The following ARSJ variants were observed in gnomAD, a reference collection of about 807,000 sequenced individuals.
ARSJ encodes the protein arylsulfatase J.
A neutral mutation model predicts 35.9 loss-of-function variants in ARSJ; 26 were observed. The observed-to-expected ratio is 0.72, with a 90% confidence interval of 0.53 to 1.00. The LOEUF is 1.00. Ranked by LOEUF, ARSJ falls within the 50% of genes least tolerant of loss-of-function variation. The pLI is 0.00. For missense variants in ARSJ, 667 were observed against 723.6 expected, an observed-to-expected ratio of 0.92 and a Z score of 0.90; for synonymous variants, 294 against 267.6, an observed-to-expected ratio of 1.10 and a Z score of -0.96.
intron 1 of ARSJ, among the ~76,000 whole-genome samples, chr4:113,924,529 C>A (rs1334766809): frequency 1.3e-5 from 2 of 152,004 alleles, no homozygotes; most frequent in African/African-American, 4.8e-5. Context: ...CAACTTGAAC[C>A]CATACACATC....
intron 1 of ARSJ, among the ~76,000 whole-genome samples, chr4:113,942,833 C>G (rs1428201582): frequency 6.6e-6 from 1 of 151,878 alleles, no homozygotes; most frequent in South Asian, 2.1e-4. Context: ...CTATCATAAC[C>G]AAGAATAATT....
intron 1 of ARSJ, among the ~76,000 whole-genome samples, chr4:113,966,152 T>C (rs888904259): frequency 3.3e-5 from 5 of 152,030 alleles, no homozygotes; most frequent in African/African-American, 1.2e-4. Flanking sequence ...AATACAGGTA[T>C]GCTACCAAAT....
At position 113,978,880 on chromosome 4, in the gene ARSJ, C is replaced by G; in HGVS notation, c.-46G>C. On this transcript the variant is annotated 5_prime_UTR_variant, in exon 1 of 2. Transcript: ENST00000315366. The stretch of plus-strand genomic sequence containing the variant: ...ACTCCACGCGGAGAACCACGCGCCC[C>G]GCGCCGCTGCGGGCGCACACATGCA... 6.5e-7 allele frequency: 1 copy of G among 1,531,632 alleles called. No individual in the cohort carries two copies. Among genetic ancestry groups the G allele is most frequent in the Middle Eastern group, 1.8e-4 (1 of 5,538 alleles). 94.9% of individuals were successfully genotyped at this position (1,531,632 alleles called of 1,614,324 possible).
At chr4:113,938,661 G>GA (rs1724922767) in intron 1 of ARSJ, among the ~76,000 whole-genome samples, 1 of 151,678 alleles carries the variant, frequency 6.6e-6, no homozygotes, top group Non-Finnish European at 1.5e-5. Flanking sequence ...GTAATATCCA[G>GA]AATCTACAAA....
At chr4:113,921,027 T>C (rs1278615005) in intron 1 of ARSJ, among the ~76,000 whole-genome samples, 1 of 152,012 alleles carries the variant, frequency 6.6e-6, no homozygotes, top group East Asian at 1.9e-4. Context: ...ATGGAGTTGA[T>C]TTAGATTCAT....
intron 1 of ARSJ, among the ~76,000 whole-genome samples, chr4:113,975,751 A>T (rs1727551796): frequency 6.6e-6 from 1 of 152,188 alleles, no homozygotes; most frequent in South Asian, 2.1e-4. Flanking sequence ...GAACACAGTG[A>T]CTGCTCAGCA....
intron 1 of ARSJ, among the ~76,000 whole-genome samples, chr4:113,962,030 CTCTT>C (rs1301812963): frequency 1.3e-5 from 2 of 151,960 alleles, no homozygotes; most frequent in Non-Finnish European, 2.9e-5. Flanking sequence ...CATACATTGG[CTCTT>C]TCTGTTGATT....
chr4:113,936,603 A>G (rs1256464031), intron 1 of ARSJ, among the ~76,000 whole-genome samples: 1 of 151,940 alleles, frequency 6.6e-6, no homozygotes, highest in East Asian at 1.9e-4. Flanking sequence ...CTACACTAAA[A>G]TAATCTAACC....
chr4:113,913,694 T>C (rs889512999), intron 1 of ARSJ, among the ~76,000 whole-genome samples: 2 of 152,168 alleles, frequency 1.3e-5, no homozygotes, highest in African/African-American at 4.8e-5. Context: ...GCCAAAATAA[T>C]ATTTGTATTT....
chr4:113,978,490 G>T lies in ARSJ; in HGVS notation c.345C>A (p.Asn115Lys). The change falls in exon 1 of 2, where the codon AAC becomes AAA. Residue 115 changes from asparagine (N) to lysine (K), a missense_variant. By Grantham distance (94) the Asn-to-Lys change is moderately conservative (BLOSUM62 0). Transcript: ENST00000315366. ...KLAAEGVKLENYYVQPICTPS... is the reference protein window; with the variant it reads ...KLAAEGVKLEKYYVQPICTPS... ...GTGTGCAAATAGGCTGGACATAGTA[G>T]TTCTCCAGTTTAACTCCTTCGGCAG... 6.2e-7 allele frequency: 1 copy of T among 1,614,066 alleles called. No individual in the cohort carries two copies. The highest frequency in any genetic ancestry group is 8.5e-7 in the Non-Finnish European group (1 of 1,179,912).
chr4:113,976,557 G>A (rs1192793709), intron 1 of ARSJ, among the ~76,000 whole-genome samples: 2 of 152,106 alleles, frequency 1.3e-5, no homozygotes, highest in African/African-American at 2.4e-5. Context: ...GTCCAGAACT[G>A]GGCTTCCATA....
intron 1 of ARSJ, among the ~76,000 whole-genome samples, chr4:113,925,967 GC>G (rs1195193339): frequency 6.6e-6 from 1 of 152,118 alleles, no homozygotes; most frequent in African/African-American, 2.4e-5. Context: ...ATGTTGTGGA[GC>G]GCATGCATAA....
chr4:113,923,468 A>G (rs1723810008), intron 1 of ARSJ, among the ~76,000 whole-genome samples: 3 of 152,310 alleles, frequency 2.0e-5, no homozygotes, highest in Admixed American at 2.0e-4. Flanking sequence ...ATTAAGAAAG[A>G]GGAAAAAACT....
intron 1 of ARSJ, among the ~76,000 whole-genome samples, chr4:113,923,011 G>C (rs1265803477): frequency 6.6e-6 from 1 of 152,092 alleles, no homozygotes; most frequent in Non-Finnish European, 1.5e-5. Context: ...TGAATTAGTG[G>C]AAGGCCTTAA....
intron 1 of ARSJ, among the ~76,000 whole-genome samples, chr4:113,978,051 C>A (rs1348665314): frequency 3.9e-5 from 6 of 152,106 alleles, no homozygotes; most frequent in Non-Finnish European, 8.8e-5. Flanking sequence ...AATTTTTGAT[C>A]TTTCTTATCA....
chr4:113,963,558 TC>T (rs1461503818), intron 1 of ARSJ, among the ~76,000 whole-genome samples: 2 of 151,994 alleles, frequency 1.3e-5, no homozygotes, highest in Non-Finnish European at 2.9e-5. Flanking sequence ...GCAGGGTCCC[TC>T]CCAGGACACT....
rs1727768901 is a variant in ARSJ at position 113,978,952 on chromosome 4, C to T, written c.-118G>A. 1 of 1,095,712 alleles carries T rather than the reference C, an allele frequency of 9.1e-7. No individual in the cohort carries two copies. The highest frequency in any genetic ancestry group is 1.5e-5 in the South Asian group (1 of 64,640). The allele number at this position is 1,095,712 out of a possible 1,614,324, so 67.9% of individuals were successfully genotyped here. A position where few individuals can be genotyped will look rare whatever the true frequency, so the allele number is the denominator to read the frequency against. On this transcript the variant is annotated 5_prime_UTR_variant, in exon 1 of 2. Transcript: ENST00000315366. ...TCCACCTGGCAAGAAATCCTCCTCT[C>T]CTCTCAGCTGTCACCATGTCCGACA...
At position 113,903,149 on chromosome 4, in the gene ARSJ, A is replaced by G. The variant is rs2099667669; in HGVS notation, c.925T>C (p.Leu309=). 1 of 1,614,182 alleles carries G rather than the reference A, an allele frequency of 6.2e-7. No homozygotes were observed. Among genetic ancestry groups the G allele is most frequent in the Non-Finnish European group, 8.5e-7 (1 of 1,180,032 alleles). Residue 309 remains leucine (L), a synonymous_variant, in exon 2 of 2, where the codon TTG becomes CTG. Transcript: ENST00000315366. ...TAGAAACCATAAGTCTTTAGAGCCA[A>G]TGTCACGTTGTTGATTGCTTCATCT... The part of the protein sequence containing the change: ...CLDEAINNVT[L]ALKTYGFYNN...
intron 1 of ARSJ, among the ~76,000 whole-genome samples, chr4:113,957,932 A>G (rs762214586): frequency 3.3e-5 from 5 of 152,104 alleles, no homozygotes; most frequent in Non-Finnish European, 7.4e-5. Flanking sequence ...GGACTGAGTG[A>G]TTACTAGTCT....
Sources: gnomAD v4.1 joint callset for allele counts (sites outside exome capture counted in the v4.1 genomes callset) on GRCh38, gnomAD v4.1.1 for gene constraint, MANE v1.5 for transcripts, NCBI Gene and HGNC (gene_info 2026-07-23, HGNC 2026-07-21) for gene names.